Variants in GRIA4 observed in about 807,000 individuals in gnomAD.
The protein encoded by GRIA4 is glutamate ionotropic receptor AMPA type subunit 4.
GRIA4 carries 34 observed loss-of-function variants against 104.0 expected under a neutral mutation model. That is an observed-to-expected ratio of 0.33 (90% confidence interval 0.25 to 0.44). The LOEUF is 0.44. GRIA4 is among the 20% of genes least tolerant of loss of function. The pLI, the probability that GRIA4 is intolerant of heterozygous loss-of-function variation, is 1.00. For synonymous variants in GRIA4, 386 were observed against 381.9 expected (o/e 1.01, Z -0.13); for missense variants, 750 against 1,096.5 (o/e 0.68, Z 4.46).
intron 4 of GRIA4, among the ~76,000 whole-genome samples, chr11:105,818,039 TAGAA>T (rs1463342985): frequency 6.6e-6 from 1 of 152,026 alleles, no homozygotes; most frequent in Non-Finnish European, 1.5e-5. Flanking sequence ...AATGTGGAAT[TAGAA>T]AGACAAAGGA....
chr11:105,766,779 A>T (rs1041511476), intron 4 of GRIA4, among the ~76,000 whole-genome samples: 22 of 152,056 alleles, frequency 1.4e-4, no homozygotes, highest in Admixed American at 1.4e-3. Context: ...GCAAACCAGG[A>T]ACACCCTATC....
intron 3 of GRIA4, among the ~76,000 whole-genome samples, chr11:105,705,347 T>A (rs948705417): frequency 6.6e-6 from 1 of 152,190 alleles, no homozygotes; most frequent in Non-Finnish European, 1.5e-5. Context: ...AATTCCTCTT[T>A]AATTTCATTA....
intron 3 of GRIA4, among the ~76,000 whole-genome samples, chr11:105,653,606 G>C (rs139228618): frequency 2.1e-3 from 313 of 152,268 alleles, no homozygotes; most frequent in African/African-American, 7.1e-3. Context: ...CCTCAGATAA[G>C]GACGGACTGT....
intron 3 of GRIA4, among the ~76,000 whole-genome samples, chr11:105,724,227 A>C (rs917597488): frequency 2.6e-5 from 4 of 152,070 alleles, no homozygotes; most frequent in African/African-American, 9.7e-5. Flanking sequence ...GATATGCACT[A>C]ATAAGTTTAT....
intron 5 of GRIA4, among the ~76,000 whole-genome samples, chr11:105,866,549 G>GTATATATATATATATATATATA (rs1345654796): frequency 5.1e-5 from 4 of 78,266 alleles, no homozygotes; most frequent in Non-Finnish European, 8.1e-5. Context: ...GTGTGTGTGT[G>GTATATATATATATATATATATA]TGTATATATA....
At position 105,981,225 on chromosome 11, in the gene GRIA4, T is replaced by C. The variant is rs1288391221; in HGVS notation, c.*1486T>C. ...TTCATTTGAAATAATAAATAAGTAC[T>C]CTAATACAGATAAAAATCATGTACT... is the stretch of plus-strand genomic sequence containing the variant. On this transcript the variant is annotated 3_prime_UTR_variant, in exon 17 of 17. Transcript: ENST00000282499. The C allele has an allele frequency of 3.9e-5, 6 of 152,644 alleles. No homozygotes were observed. The allele number at this position is 152,644 out of a possible 1,614,324, so 9.5% of individuals were successfully genotyped here.
rs143694899 is a variant in GRIA4, at chr11:105,656,773, T to C, written c.247+44339T>C. ...ATGTGTTTAACATATTAGTGATGTT[T>C]TCTTTAAGAAACAATATCAGTATGT... On this transcript the variant is annotated intron_variant, in intron 3 of 16. Coordinates refer to ENST00000282499, the MANE Select transcript of GRIA4 (RefSeq NM_000829.4). 8.5e-5 allele frequency among the ~76,000 whole-genome samples: 13 copies of C among 152,218 alleles called. No individual in the cohort carries two copies. The East Asian group carries it at 1.9e-3, about 23-fold the overall frequency.
intron 5 of GRIA4, among the ~76,000 whole-genome samples, chr11:105,872,950 G>A (rs752054381): frequency 5.3e-5 from 8 of 151,590 alleles, no homozygotes; most frequent in Non-Finnish European, 8.8e-5. Flanking sequence ...ATTTTTTTAA[G>A]TTCTGGGATA....
At chr11:105,692,125 G>A (rs1953109212) in intron 3 of GRIA4, among the ~76,000 whole-genome samples, 1 of 151,872 alleles carries the variant, frequency 6.6e-6, no homozygotes, top group Admixed American at 6.6e-5. Context: ...TTGGATTGAT[G>A]ATAATGATGA....
chr11:105,796,159 A>G (rs996105393), intron 4 of GRIA4, among the ~76,000 whole-genome samples: 54 of 152,280 alleles, frequency 3.5e-4, no homozygotes, highest in African/African-American at 1.3e-3. Context: ...TTCATTCCCC[A>G]GGATGCAATT....
chr11:105,778,364 T>C (rs1311701179), intron 4 of GRIA4, among the ~76,000 whole-genome samples: 1 of 152,210 alleles, frequency 6.6e-6, no homozygotes, highest in Non-Finnish European at 1.5e-5. Context: ...TCCTTGATGA[T>C]TGCTTTTCTA....
chr11:105,772,125 G>T (rs1471844338), intron 4 of GRIA4, among the ~76,000 whole-genome samples: 1 of 152,064 alleles, frequency 6.6e-6, no homozygotes, highest in Non-Finnish European at 1.5e-5. Context: ...AGCGACATGT[G>T]ATGCTAATCA....
intron 3 of GRIA4, among the ~76,000 whole-genome samples, chr11:105,724,350 T>C (rs1045411086): frequency 4.0e-5 from 6 of 150,734 alleles, no homozygotes; most frequent in Non-Finnish European, 7.4e-5. Flanking sequence ...GATAGATAGA[T>C]AGATGGATAC....
intron 3 of GRIA4, among the ~76,000 whole-genome samples, chr11:105,644,956 G>C (rs1462244584): frequency 1.3e-5 from 2 of 152,130 alleles, no homozygotes; most frequent in Non-Finnish European, 2.9e-5. Context: ...TTTGGAAGTG[G>C]GAGGCCTGGG....
chr11:105,693,137 AG>A (rs1953148914), intron 3 of GRIA4, among the ~76,000 whole-genome samples: 1 of 152,204 alleles, frequency 6.6e-6, no homozygotes, highest in Admixed American at 6.5e-5. Context: ...AATAAAACAA[AG>A]GGGAAGGGTC....
In GRIA4 at chr11:105,712,322, C is replaced by A. The variant is rs574063848; in HGVS notation, c.248-40659C>A. 4.1e-4 allele frequency among the ~76,000 whole-genome samples: 62 copies of A among 150,914 alleles called. No homozygotes were observed. In the South Asian group the frequency reaches 0.013, roughly 32 times the overall value. Reference sequence around the variant, plus strand: ...TAAATGAAACTGTGTAAAGCGAAGTCTCTGTGTATAAAAAGAGAAAGCTGT... The same window carrying A: ...TAAATGAAACTGTGTAAAGCGAAGTATCTGTGTATAAAAAGAGAAAGCTGT... On this transcript the variant is annotated intron_variant, in intron 3 of 16. Transcript: ENST00000282499.
Position 105,753,091 on chromosome 11 carries a change from C to G in GRIA4, c.358C>G (p.Pro120Ala). 1 of 1,613,848 alleles carries G rather than the reference C, an allele frequency of 6.2e-7. No individual in the cohort carries two copies. The highest frequency in any genetic ancestry group is 8.5e-7 in the Non-Finnish European group (1 of 1,179,858). The change falls in exon 4 of 17, where the codon CCA becomes GCA. Residue 120 changes from proline to alanine, a missense_variant. Coordinates refer to ENST00000282499, the MANE Select transcript of GRIA4 (RefSeq NM_000829.4). ...CSALHISLIT[P>A]SFPTEGESQF... ...CGCCTTACATATCTCCCTCATCACA[C>G]CAAGTTTCCCTACTGAGGGGGAGAG...
chr11:105,665,652 T>C (rs74640391), intron 3 of GRIA4, among the ~76,000 whole-genome samples: 4,040 of 152,088 alleles, frequency 0.027, 102 homozygotes, highest in African/African-American at 0.065. Flanking sequence ...AATTCCTGTT[T>C]TTAATACAGC....
At chr11:105,881,299 C>T (rs1344746976) in intron 5 of GRIA4, among the ~76,000 whole-genome samples, 1 of 152,160 alleles carries the variant, frequency 6.6e-6, no homozygotes, top group Non-Finnish European at 1.5e-5. Flanking sequence ...ACTCTTCCTT[C>T]TCCAAGGGCA....
Sources: allele counts gnomAD v4.1 joint callset (sites outside exome capture counted in the v4.1 genomes callset), GRCh38; gene constraint gnomAD v4.1.1; transcripts MANE v1.5; gene names NCBI Gene and HGNC (gene_info 2026-07-23, HGNC 2026-07-21).